The following PIBF1 variants were observed in gnomAD, a reference collection of about 807,000 sequenced individuals.
PIBF1 encodes the protein progesterone-induced-blocking factor 1.
In PIBF1, 90 loss-of-function variants were observed where a neutral mutation model predicts 112.5. That is an observed-to-expected ratio of 0.80 (90% CI 0.67 to 0.95). The LOEUF (loss-of-function observed/expected upper bound fraction) is 0.95. PIBF1 is among the 40% of genes least tolerant of loss of function. The pLI is 0.00. For missense variants in PIBF1, 915 were observed against 852.3 expected (o/e 1.07, Z -0.92); for synonymous variants, 301 against 288.6 (o/e 1.04, Z -0.44).
chr13:72,874,974 C>A (rs1017386691), intron 10 of PIBF1, among the ~76,000 whole-genome samples: 1 of 152,042 alleles, frequency 6.6e-6, no homozygotes, highest in African/African-American at 2.4e-5. Context: ...ACTCTTGGTC[C>A]GGCTACTTTT....
chr13:72,913,022 A>G lies in PIBF1; in HGVS notation c.1640-4054A>G, dbSNP rs141757412. On this transcript the variant is annotated intron_variant, in intron 12 of 17. Transcript: ENST00000326291. Reference sequence around the variant, plus strand: ...ATAAAGTTCTAGAAGAGACAGAAGTAATCTATGATGAAAAAAATCAAGGGG... The same window carrying G: ...ATAAAGTTCTAGAAGAGACAGAAGTGATCTATGATGAAAAAAATCAAGGGG... Among the ~76,000 whole-genome samples the G allele has an allele frequency of 7.5e-3, 1,145 of 151,876 alleles. 14 individuals are homozygous for G. Among genetic ancestry groups the G allele is most frequent in the Middle Eastern group, 0.014 (4 of 292 alleles).
At chr13:72,844,762 C>CGGATGAAGTCTTACTGTTTAT (rs375548034) in intron 9 of PIBF1, among the ~76,000 whole-genome samples, 1 of 125,922 alleles carries the variant, frequency 7.9e-6, no homozygotes, top group Non-Finnish European at 1.7e-5. Context: ...CACACACACA[C>CGGATGAAGTCTTACTGTTTAT]ACACACACAC....
intron 12 of PIBF1, among the ~76,000 whole-genome samples, chr13:72,913,846 TA>T (rs1183399417): frequency 6.6e-6 from 1 of 152,140 alleles, no homozygotes; most frequent in Non-Finnish European, 1.5e-5. Flanking sequence ...AATATTTTCT[TA>T]AAAGCTGCAG....
At chr13:72,869,820 C>CAT (rs1181953412) in intron 10 of PIBF1, among the ~76,000 whole-genome samples, 24 of 151,032 alleles carry the variant, frequency 1.6e-4, no homozygotes, top group African/African-American at 2.9e-4. Context: ...CACACACACA[C>CAT]ATATATATAT....
At chr13:72,844,547 C>T (rs950853202) in intron 9 of PIBF1, among the ~76,000 whole-genome samples, 1 of 151,880 alleles carries the variant, frequency 6.6e-6, no homozygotes, top group South Asian at 2.1e-4. Context: ...TCCATGTGTT[C>T]TCATTGTTCA....
intron 5 of PIBF1, among the ~76,000 whole-genome samples, chr13:72,814,699 C>A (rs1461463877): frequency 1.3e-5 from 2 of 150,894 alleles, no homozygotes; most frequent in African/African-American, 4.9e-5. Context: ...TAAAGCTATG[C>A]CAAAGGAAAA....
At chr13:73,004,868 A>G (rs2043983605) in intron 17 of PIBF1, among the ~76,000 whole-genome samples, 1 of 152,128 alleles carries the variant, frequency 6.6e-6, no homozygotes, top group Non-Finnish European at 1.5e-5. Context: ...TGTGAATGTA[A>G]GTAATACCAC....
At chr13:72,915,069 G>C (rs564017227) in intron 12 of PIBF1, among the ~76,000 whole-genome samples, 1 of 152,052 alleles carries the variant, frequency 6.6e-6, no homozygotes, top group Non-Finnish European at 1.5e-5. Context: ...ATTATATATA[G>C]CATGTACATT....
chr13:72,840,899 C>T lies in PIBF1; in HGVS notation c.1223+5531C>T, dbSNP rs547293597. 2.0e-5 allele frequency among the ~76,000 whole-genome samples: 3 copies of T among 152,282 alleles called. No homozygotes were observed. The East Asian group carries it at 5.8e-4, about 29-fold the overall frequency. ...TTTTGCCTTTAATTTGTTGTCTATA[C>T]ATTGGAGGATATTAAAAGGATACTT... is the stretch of plus-strand genomic sequence containing the variant. On this transcript the variant is annotated intron_variant, in intron 9 of 17. Transcript: ENST00000326291.
At chr13:72,985,371 CAAAAAAAAA>C (rs67195605) in intron 16 of PIBF1, among the ~76,000 whole-genome samples, 1 of 76,284 alleles carries the variant, frequency 1.3e-5, no homozygotes, top group African/African-American at 5.6e-5. Context: ...ACTAAAAATA[CAAAAAAAAA>C]AAAAAAAAAA....
At chr13:72,805,056 C>T (rs2035656031) in intron 5 of PIBF1, among the ~76,000 whole-genome samples, 1 of 152,316 alleles carries the variant, frequency 6.6e-6, no homozygotes, top group African/African-American at 2.4e-5. Flanking sequence ...TCACTGGAAC[C>T]TTTGCCTCCC....
At chr13:72,826,928 AATAC>A (rs2036837287) in intron 6 of PIBF1, 78 bp from the exon 7 acceptor site, 4 of 678,738 alleles carry the variant, frequency 5.9e-6, no homozygotes, top group Non-Finnish European at 9.7e-6. Context: ...TCAGCGTCCT[AATAC>A]ATAGTCAACC....
intron 5 of PIBF1, among the ~76,000 whole-genome samples, chr13:72,816,053 G>A (rs896694670): frequency 6.6e-6 from 1 of 152,120 alleles, no homozygotes; most frequent in Non-Finnish European, 1.5e-5. Context: ...ATAAAATGTT[G>A]GGTATAAAAA....
At chr13:72,811,608 A>AAAAAAAGAG (rs199831981) in intron 5 of PIBF1, among the ~76,000 whole-genome samples, 1,947 of 139,646 alleles carry the variant, frequency 0.014, 50 homozygotes, top group African/African-American at 0.051. Flanking sequence ...AAAAAAAAAA[A>AAAAAAAGAG]AGAGAGAGAA....
chr13:72,859,063 T>C (rs755327471), intron 10 of PIBF1, among the ~76,000 whole-genome samples: 3 of 152,194 alleles, frequency 2.0e-5, no homozygotes, highest in Non-Finnish European at 4.4e-5. Context: ...CTTTTTTCAT[T>C]GTCAGACGTG....
chr13:72,878,456 TA>T (rs1267627367), intron 10 of PIBF1, among the ~76,000 whole-genome samples: 1 of 152,220 alleles, frequency 6.6e-6, no homozygotes, highest in African/African-American at 2.4e-5. Flanking sequence ...GTTATCTTTT[TA>T]TTGTTGATTT....
At chr13:72,924,716 GA>G (rs150010462) in intron 13 of PIBF1, among the ~76,000 whole-genome samples, 20,127 of 141,772 alleles carry the variant, frequency 0.14, 1,541 homozygotes, top group Non-Finnish European at 0.18. Flanking sequence ...GACCCTGCCA[GA>G]AAAAAAAAAA....
chr13:72,965,048 C>T (rs1256653558), intron 14 of PIBF1, among the ~76,000 whole-genome samples: 1 of 151,760 alleles, frequency 6.6e-6, no homozygotes, highest in African/African-American at 2.4e-5. Context: ...GGCGACAGAG[C>T]GAGACTGTCT....
chr13:72,810,943 G>A (rs865897363), intron 5 of PIBF1, among the ~76,000 whole-genome samples: 5 of 150,276 alleles, frequency 3.3e-5, no homozygotes, highest in African/African-American at 1.2e-4. Flanking sequence ...TGCAAGCTCC[G>A]CCCCCCAGGT....
Sources: gnomAD v4.1 joint callset for allele counts (sites outside exome capture counted in the v4.1 genomes callset) on GRCh38, gnomAD v4.1.1 for gene constraint, MANE v1.5 for transcripts, NCBI Gene and HGNC (gene_info 2026-07-23, HGNC 2026-07-21) for gene names.